CEP128: variants seen among roughly 807,000 people sequenced by gnomAD.
The protein encoded by CEP128 is centrosomal protein 128, also known as centrosomal protein 128kDa.
CEP128 carries 132 observed loss-of-function variants against 156.7 expected under a neutral mutation model. That is an observed-to-expected ratio of 0.84 (90% CI 0.73 to 0.97). The LOEUF (loss-of-function observed/expected upper bound fraction) is 0.97, where lower values mean the gene tolerates loss of function less well. Ranked by LOEUF, CEP128 falls within the 50% of genes least tolerant of loss-of-function variation. The probability of loss-of-function intolerance (pLI) is 0.00; values close to 1 mark genes in which losing one functional copy is unlikely to be tolerated. For synonymous variants in CEP128, 469 were observed against 448.9 expected (o/e 1.04, Z -0.57); for missense variants, 1,252 against 1,281.9 (o/e 0.98, Z 0.36).
At chr14:80,718,874 T>C (rs2139448986) in intron 19 of CEP128, among the ~76,000 whole-genome samples, 1 of 152,326 alleles carries the variant, frequency 6.6e-6, no homozygotes, top group Middle Eastern at 3.4e-3. Flanking sequence ...TCTTTGTTTT[T>C]TTCTGAGTGT....
intron 19 of CEP128, among the ~76,000 whole-genome samples, chr14:80,602,852 G>A (rs1177635729): frequency 2.0e-5 from 3 of 152,074 alleles, no homozygotes; most frequent in Non-Finnish European, 1.5e-5. Flanking sequence ...AATGATTTTA[G>A]AAAGTAGTAA....
At chr14:80,519,327 CT>C (rs2140241806) in intron 23 of CEP128, among the ~76,000 whole-genome samples, 1 of 152,298 alleles carries the variant, frequency 6.6e-6, no homozygotes, top group East Asian at 1.9e-4. Flanking sequence ...GACTAAATGT[CT>C]TTGCTAAGCT....
At chr14:80,742,291 T>C (rs537529364) in intron 19 of CEP128, among the ~76,000 whole-genome samples, 82 of 152,256 alleles carry the variant, frequency 5.4e-4, no homozygotes, top group Non-Finnish European at 1.0e-3. Context: ...AATCAACTAG[T>C]TCCTGACTTT....
At chr14:80,656,321 A>ATTTATATATATATATATATATATTT (rs1486270349) in intron 19 of CEP128, among the ~76,000 whole-genome samples, 4 of 22,904 alleles carry the variant, frequency 1.7e-4, no homozygotes, top group African/African-American at 8.5e-4. Context: ...ATATATATAT[A>ATTTATATATATATATATATATATTT]TATATATATA....
intron 8 of CEP128, among the ~76,000 whole-genome samples, chr14:80,890,463 C>A (rs1889040777): frequency 1.3e-5 from 2 of 152,238 alleles, no homozygotes; most frequent in Admixed American, 6.5e-5. Context: ...AAAATGAGTT[C>A]TTGTCCTTTG....
chr14:80,865,655 C>T (rs1024337850), intron 8 of CEP128, among the ~76,000 whole-genome samples: 1 of 152,092 alleles, frequency 6.6e-6, no homozygotes, highest in African/African-American at 2.4e-5. Flanking sequence ...ATGTCACTTC[C>T]ATTATTAGAT....
intron 19 of CEP128, among the ~76,000 whole-genome samples, chr14:80,725,247 ATCTCGGC>A (rs1399264178): frequency 6.6e-6 from 1 of 150,986 alleles, no homozygotes; most frequent in Admixed American, 6.6e-5. Flanking sequence ...CAGTGGCACA[ATCTCGGC>A]TCACTGCAAC....
chr14:80,612,504 G>A (rs1210879939), intron 19 of CEP128, among the ~76,000 whole-genome samples: 1 of 152,136 alleles, frequency 6.6e-6, no homozygotes, highest in Non-Finnish European at 1.5e-5. Context: ...AAAGTGCCAT[G>A]AATTTTCCAT....
In CEP128 at chr14:80,510,190, GA is replaced by G. The variant is rs528711695; in HGVS notation, c.3073-5171del. Among the ~76,000 whole-genome samples the G allele has an allele frequency of 2.4e-3, 358 of 152,230 alleles. 4 individuals carry two copies. The highest frequency in any genetic ancestry group is 3.7e-3 in the Non-Finnish European group (250 of 67,984). On this transcript the variant is annotated intron_variant, in intron 23 of 24. Coordinates refer to ENST00000555265, the MANE Select transcript of CEP128 (RefSeq NM_152446.5). Reference sequence around the variant, plus strand: ...TTGATCTTTTCATAGGGGTTGCACTGAATTTGTAGATTGCTTTGGGTAGTAT... The same window carrying G: ...TTGATCTTTTCATAGGGGTTGCACTGATTTGTAGATTGCTTTGGGTAGTAT...
intron 2 of CEP128, among the ~76,000 whole-genome samples, chr14:80,950,724 T>C (rs934694531): frequency 6.6e-6 from 1 of 152,072 alleles, no homozygotes. Flanking sequence ...GGGAAAATCA[T>C]AGATGCAGAA....
Position 80,703,185 on chromosome 14 carries a change from C to T in CEP128, c.2806+39890G>A, listed in dbSNP as rs185627778. Among the ~76,000 whole-genome samples, 92 of 152,132 alleles carry T rather than the reference C, an allele frequency of 6.0e-4. 1 individual carries two copies. Among genetic ancestry groups the T allele is most frequent in the Admixed American group, 1.6e-3 (25 of 15,264 alleles). ...GTAGAACTTGGAAAAATCACTTAAC[C>T]TTTCTGGGTCCAATTCTTCATTTGT... On this transcript the variant is annotated intron_variant, in intron 19 of 24. Transcript: ENST00000555265.
At chr14:80,785,659 A>C in intron 14 of CEP128, 114 bp from the exon 15 acceptor site, 1 of 742,624 alleles carries the variant, frequency 1.3e-6, no homozygotes, top group South Asian at 2.4e-5. Flanking sequence ...AAAAAAATTC[A>C]TCAAATAATT....
intron 16 of CEP128, among the ~76,000 whole-genome samples, chr14:80,775,856 G>A (rs1232042297): frequency 6.6e-6 from 1 of 152,046 alleles, no homozygotes; most frequent in African/African-American, 2.4e-5. Flanking sequence ...TTTTTGAGAT[G>A]GAGTCTCGCG....
intron 19 of CEP128, among the ~76,000 whole-genome samples, chr14:80,624,888 A>G (rs1360492037): frequency 6.6e-6 from 1 of 152,022 alleles, no homozygotes; most frequent in Non-Finnish European, 1.5e-5. Context: ...TCTGTTGATT[A>G]TTTCCTTTGC....
Position 80,673,645 on chromosome 14 carries a change from C to CAAAAAAAAAA in CEP128, c.2806+69420_2806+69429dup, listed in dbSNP as rs4016509. On this transcript the variant is annotated intron_variant, in intron 19 of 24. Transcript: ENST00000555265. ...TGGGCGACAGAGCGAGACTCCGTCTCAAAAAAAAAAAAAAAAAAAAAAAAA... is the reference window on the plus strand; with the variant it reads ...TGGGCGACAGAGCGAGACTCCGTCTCAAAAAAAAAAAAAAAAAAAAAAAAAAAAAAAAAAA... Among the ~76,000 whole-genome samples the CAAAAAAAAAA allele has an allele frequency of 3.0e-3, 132 of 43,960 alleles. 10 individuals are homozygous for CAAAAAAAAAA. The highest frequency in any genetic ancestry group is 0.015 in the African/African-American group (125 of 8,080). 28.8% of individuals were successfully genotyped at this position (43,960 alleles called of 152,430 possible). A position where few individuals can be genotyped will look rare whatever the true frequency, so the allele number is the denominator to read the frequency against.
chr14:80,535,972 T>G (rs1193392179), intron 21 of CEP128, among the ~76,000 whole-genome samples: 1 of 152,224 alleles, frequency 6.6e-6, no homozygotes, highest in Non-Finnish European at 1.5e-5. Context: ...CTTTTGCACC[T>G]ACAGATGTGT....
chr14:80,543,617 C>T (rs916169528), intron 21 of CEP128, among the ~76,000 whole-genome samples: 3 of 152,178 alleles, frequency 2.0e-5, no homozygotes, highest in Non-Finnish European at 2.9e-5. Flanking sequence ...GGATACAATA[C>T]AGCTGACAAT....
At chr14:80,695,756 T>C (rs974266902) in intron 19 of CEP128, among the ~76,000 whole-genome samples, 1 of 151,138 alleles carries the variant, frequency 6.6e-6, no homozygotes, top group African/African-American at 2.4e-5. Flanking sequence ...TCAGGTAATA[T>C]CAAGTAGTTT....
At chr14:80,583,202 A>G (rs769378151) in intron 19 of CEP128, among the ~76,000 whole-genome samples, 3 of 152,258 alleles carry the variant, frequency 2.0e-5, no homozygotes, top group East Asian at 1.9e-4. Context: ...GCCAATGACA[A>G]TGCTTGACTT....
Sources: gnomAD v4.1 joint callset for allele counts (sites outside exome capture counted in the v4.1 genomes callset) on GRCh38, gnomAD v4.1.1 for gene constraint, MANE v1.5 for transcripts, NCBI Gene and HGNC (gene_info 2026-07-23, HGNC 2026-07-21) for gene names.